The following C14orf132 variants were observed in gnomAD, a reference collection of about 807,000 sequenced individuals.
The protein encoded by C14orf132 is chromosome 14 open reading frame 132.
A neutral mutation model predicts 5.8 loss-of-function variants in C14orf132; 6 were observed. The ratio of observed to expected loss-of-function variants is 1.03; its 90% CI spans 0.57 to 2.04. The LOEUF is 2.04. C14orf132 is among the 30% of genes most tolerant of loss of function. The pLI, the probability that C14orf132 is intolerant of heterozygous loss-of-function variation, is 0.00. For missense variants in C14orf132, 125 were observed against 115.8 expected, an observed-to-expected ratio of 1.08 and a Z score of -0.37; for synonymous variants, 51 against 49.8, an observed-to-expected ratio of 1.02 and a Z score of -0.10.
In C14orf132 at chr14:96,093,456, T is replaced by C. The variant is rs1218437778; in HGVS notation, c.*6721T>C. On this transcript the variant is annotated 3_prime_UTR_variant, in exon 2 of 2. Coordinates refer to ENST00000555004, the MANE Select transcript of C14orf132 (RefSeq NM_001252507.3). ...CTCTTATTTCTGACCTTTTTCCACG[T>C]GCCCAGTCCTATTTCTGCCAGTTGA... 3 of 152,232 alleles carry C rather than the reference T, an allele frequency of 2.0e-5. No individual in the cohort carries two copies. Among genetic ancestry groups the C allele is most frequent in the Non-Finnish European group, 4.4e-5 (3 of 68,038 alleles). The allele number at this position is 152,232 out of a possible 1,614,324, so 9.4% of individuals were successfully genotyped here.
chr14:96,068,200 C>A (rs970662602), intron 1 of C14orf132, among the ~76,000 whole-genome samples: 8 of 152,168 alleles, frequency 5.3e-5, no homozygotes, highest in Non-Finnish European at 1.2e-4. Flanking sequence ...CTCGGTAGCT[C>A]CCTGTGTGTT....
rs1888397939 is a variant in C14orf132, at chr14:96,091,319, C to T, written c.*4584C>T. The T allele has an allele frequency of 3.0e-6, 1 of 332,264 alleles. No individual in the cohort carries two copies. Among genetic ancestry groups the T allele is most frequent in the South Asian group, 2.6e-5 (1 of 38,982 alleles). The allele number at this position is 332,264 out of a possible 1,614,324, so 20.6% of individuals were successfully genotyped here. A position where few individuals can be genotyped will look rare whatever the true frequency, so the allele number is the denominator to read the frequency against. ...CAGGAAAGGGGCAGGCGGCAGTGCACAGGGATTTATCAGTTCCAGAACCTC... is the reference window on the plus strand; with the variant it reads ...CAGGAAAGGGGCAGGCGGCAGTGCATAGGGATTTATCAGTTCCAGAACCTC... On this transcript the variant is annotated 3_prime_UTR_variant, in exon 2 of 2. Transcript: ENST00000555004.
chr14:96,048,866 G>A (rs1886912334), intron 1 of C14orf132, among the ~76,000 whole-genome samples: 1 of 152,006 alleles, frequency 6.6e-6, no homozygotes, highest in South Asian at 2.1e-4. Context: ...TCCATTGTCT[G>A]GATGTACCAC....
intron 1 of C14orf132, among the ~76,000 whole-genome samples, chr14:96,047,027 T>A (rs1886848907): frequency 6.6e-6 from 1 of 152,220 alleles, no homozygotes; most frequent in South Asian, 2.1e-4. Context: ...AGTCTGCTTC[T>A]TAGAGAATAT....
At chr14:96,077,888 T>C (rs774554567) in intron 1 of C14orf132, among the ~76,000 whole-genome samples, 4 of 152,256 alleles carry the variant, frequency 2.6e-5, no homozygotes, top group Non-Finnish European at 5.9e-5. Context: ...GCCTTTACTG[T>C]GCTCCTTTGA....
At position 96,061,402 on chromosome 14, in the gene C14orf132, T is replaced by C. The variant is rs545857691; in HGVS notation, c.27+21875T>C. Reference sequence around the variant, plus strand: ...CCATTGGGCATGTATTCGCACCCCTTATTTTAGTTCATAGGTTCATTTAAG... The same window carrying C: ...CCATTGGGCATGTATTCGCACCCCTCATTTTAGTTCATAGGTTCATTTAAG... On this transcript the variant is annotated intron_variant, in intron 1 of 1. Coordinates refer to ENST00000555004, the MANE Select transcript of C14orf132 (RefSeq NM_001252507.3). 2.6e-5 allele frequency among the ~76,000 whole-genome samples: 4 copies of C among 152,300 alleles called. No individual in the cohort carries two copies. The East Asian group carries it at 5.8e-4, about 22-fold the overall frequency.
At chr14:96,040,053 C>T (rs1478879107) in intron 1 of C14orf132, among the ~76,000 whole-genome samples, 1 of 151,916 alleles carries the variant, frequency 6.6e-6, no homozygotes, top group African/African-American at 2.4e-5. Context: ...CAAGCGTCGA[C>T]GCGCCGCGGT....
intron 1 of C14orf132, among the ~76,000 whole-genome samples, chr14:96,064,397 T>C (rs962983056): frequency 1.1e-4 from 12 of 104,762 alleles, no homozygotes; most frequent in Admixed American, 7.1e-4. Flanking sequence ...CACACACATA[T>C]ACATATATGT....
chr14:96,084,936 G>A (rs1026249588), intron 1 of C14orf132, among the ~76,000 whole-genome samples: 2 of 152,210 alleles, frequency 1.3e-5, no homozygotes, highest in African/African-American at 2.4e-5. Context: ...TGAGACTCAA[G>A]GCAGGCCAGA....
At chr14:96,065,701 C>G (rs973289177) in intron 1 of C14orf132, among the ~76,000 whole-genome samples, 1 of 151,960 alleles carries the variant, frequency 6.6e-6, no homozygotes, top group Admixed American at 6.6e-5. Context: ...TCTGTTCAGC[C>G]AATGAACGAG....
chr14:96,086,623 A>G lies in C14orf132; in HGVS notation c.140A>G (p.Gln47Arg). The change falls in exon 2 of 2, where the codon CAG becomes CGG. Residue 47 changes from glutamine to arginine, a missense_variant. Physicochemically the swap from Gln to Arg is conservative, Grantham distance 43. Transcript: ENST00000555004. Reference protein sequence around the residue: ...NVHAAANGQGQPEDPPRSSND... With the variant: ...NVHAAANGQGRPEDPPRSSND... ...CACGCGGCTGCCAATGGCCAGGGCC[A>G]GCCGGAAGATCCTCCTCGGTCCTCC... 6.5e-7 allele frequency: 1 copy of G among 1,536,148 alleles called. No individual in the cohort carries two copies. The highest frequency in any genetic ancestry group is 8.7e-7 in the Non-Finnish European group (1 of 1,146,904).
intron 1 of C14orf132, among the ~76,000 whole-genome samples, chr14:96,085,714 T>C (rs375143359): frequency 1.3e-5 from 2 of 152,286 alleles, no homozygotes; most frequent in East Asian, 1.9e-4. Flanking sequence ...TCTGCCCTAA[T>C]AGATAACAAT....
rs574389075 is a variant in C14orf132 at position 96,045,398 on chromosome 14, T to C, written c.27+5871T>C. ...CAAGAAGGCTTGAAACAGTATCTCCTGTTGGGAGTGTGAGTTGCTAGTGGC... is the reference window on the plus strand; with the variant it reads ...CAAGAAGGCTTGAAACAGTATCTCCCGTTGGGAGTGTGAGTTGCTAGTGGC... On this transcript the variant is annotated intron_variant, in intron 1 of 1. Transcript: ENST00000555004. Among the ~76,000 whole-genome samples the C allele has an allele frequency of 2.6e-5, 4 of 152,258 alleles. No homozygotes were observed. The South Asian group carries it at 6.2e-4, about 24-fold the overall frequency.
In C14orf132 at chr14:96,087,565, G is replaced by T. The variant is rs1435000961; in HGVS notation, c.*830G>T. The T allele has an allele frequency of 6.6e-6, 1 of 152,142 alleles. No individual in the cohort carries two copies. Among genetic ancestry groups the T allele is most frequent in the African/African-American group, 2.4e-5 (1 of 41,410 alleles). 9.4% of individuals were successfully genotyped at this position (152,142 alleles called of 1,614,324 possible). On this transcript the variant is annotated 3_prime_UTR_variant, in exon 2 of 2. Transcript: ENST00000555004. ...TTCAACGGATGGGTCAGAAAGGGGG[G>T]TGATTTGCCTGTGGTCACCAGGCAG...
chr14:96,051,595 C>T (rs1350935053), intron 1 of C14orf132, among the ~76,000 whole-genome samples: 6 of 152,156 alleles, frequency 3.9e-5, no homozygotes, highest in African/African-American at 1.4e-4. Context: ...TGAGGGACAC[C>T]TGAGGGGGGC....
chr14:96,052,920 G>A (rs906910789), intron 1 of C14orf132, among the ~76,000 whole-genome samples: 11 of 152,188 alleles, frequency 7.2e-5, no homozygotes, highest in African/African-American at 1.2e-4. Context: ...GTCTTTCAAT[G>A]GGGCTTGTAT....
At chr14:96,069,968 G>A (rs28628130) in intron 1 of C14orf132, among the ~76,000 whole-genome samples, 4,617 of 152,254 alleles carry the variant, frequency 0.03, 225 homozygotes, top group African/African-American at 0.1. Context: ...CCAAGACCCC[G>A]TGGAGGAAAT....
At chr14:96,062,857 T>A (rs1296872838) in intron 1 of C14orf132, among the ~76,000 whole-genome samples, 2 of 152,162 alleles carry the variant, frequency 1.3e-5, no homozygotes, top group Non-Finnish European at 2.9e-5. Flanking sequence ...GTTTCTGAGA[T>A]GATTTTCTTT....
chr14:96,054,332 T>C (rs1887117417), intron 1 of C14orf132, among the ~76,000 whole-genome samples: 1 of 152,190 alleles, frequency 6.6e-6, no homozygotes, highest in Non-Finnish European at 1.5e-5. Flanking sequence ...AGCCACGGCA[T>C]TCTCATTTGT....
Sources: allele counts gnomAD v4.1 joint callset (sites outside exome capture counted in the v4.1 genomes callset), GRCh38; gene constraint gnomAD v4.1.1; transcripts MANE v1.5; gene names NCBI Gene and HGNC (gene_info 2026-07-23, HGNC 2026-07-21).